Variants in EVPLL observed in about 807,000 individuals in gnomAD.
EVPLL encodes the protein envoplakin-like protein.
EVPLL carries 39 observed loss-of-function variants against 46.2 expected under a neutral mutation model. The observed-to-expected ratio is 0.84, with a 90% CI of 0.65 to 1.10. EVPLL has a LOEUF of 1.10. Among genes scored for constraint, EVPLL ranks in the 50% least tolerant of loss-of-function variants. The pLI is 0.00. For missense variants in EVPLL, 385 were observed against 412.6 expected (o/e 0.93, Z 0.58); for synonymous variants, 156 against 165.8 (o/e 0.94, Z 0.46).
At position 18,388,245 on chromosome 17, in the gene EVPLL, T is replaced by C. The variant is rs9890369; in HGVS notation, c.903T>C (p.His301=). The change falls in exon 10 of 11, where the codon CAT becomes CAC. Residue 301 remains histidine, a synonymous_variant. Coordinates refer to ENST00000399134, the MANE Select transcript of EVPLL (RefSeq NM_001145127.2). The part of the protein sequence containing the change: ...SRILCPSSSP[H] ...TTCTGTGTCCATCTTCCTCTCCTCATTGACTCTGCATGAAGGGGATTTCTG... is the reference window on the plus strand; with the variant it reads ...TTCTGTGTCCATCTTCCTCTCCTCACTGACTCTGCATGAAGGGGATTTCTG... 0.19 allele frequency: 273,780 copies of C among 1,410,052 alleles called. 29,927 individuals are homozygous for C. Among genetic ancestry groups the C allele is most frequent in the African/African-American group, 0.35 (23,733 of 67,902 alleles). 87.3% of individuals were successfully genotyped at this position (1,410,052 alleles called of 1,614,324 possible).
In EVPLL at chr17:18,381,202, T is replaced by G. The variant is rs1987557592; in HGVS notation, c.64-165T>G. On this transcript the variant is annotated intron_variant, in intron 2 of 10. Coordinates refer to ENST00000399134, the MANE Select transcript of EVPLL (RefSeq NM_001145127.2). The surrounding 1 kb of genome is among the most constrained non-coding windows in gnomAD (Gnocchi z 4.2). ...TTTGCTGGGCTCCCCTGTGTCTTTG[T>G]CACCTGCCTCATGGACGCCCTGGGC... is the stretch of plus-strand genomic sequence containing the variant. 1.6e-6 allele frequency: 2 copies of G among 1,284,948 alleles called. No homozygotes were observed. Among genetic ancestry groups the G allele is most frequent in the Non-Finnish European group, 2.1e-6 (2 of 949,612 alleles). 79.6% of individuals were successfully genotyped at this position (1,284,948 alleles called of 1,614,324 possible).
intron 1 of EVPLL, 68 bp downstream of exon 1, chr17:18,378,051 A>G: frequency 2.1e-6 from 1 of 484,622 alleles, no homozygotes; most frequent in South Asian, 3.4e-5. Flanking sequence ...CAGGTCCTTG[A>G]GCCACCTGGC....
rs765033159 is a variant in EVPLL, at chr17:18,383,523, A to G, written c.812A>G (p.Gln271Arg). 2 of 1,586,498 alleles carry G rather than the reference A, an allele frequency of 1.3e-6. No homozygotes were observed. Among genetic ancestry groups the G allele is most frequent in the East Asian group, 4.6e-5 (2 of 43,808 alleles). ...CAGGAGGCCCTGAAGATGGAGTGGC[A>G]GAACTTCCTGAACCTGTGCATCTGC... ...AHQEALKMEWQNFLNLCICQE... is the reference protein window; with the variant it reads ...AHQEALKMEWRNFLNLCICQE... The change falls in exon 9 of 11, where the codon CAG becomes CGG. Residue 271 changes from glutamine to arginine, a missense_variant. Physicochemically the swap from Gln to Arg is conservative, Grantham distance 43. Coordinates refer to ENST00000399134, the MANE Select transcript of EVPLL (RefSeq NM_001145127.2).
In EVPLL at chr17:18,383,159, C is replaced by G; in HGVS notation, c.646C>G (p.Pro216Ala). 1 of 1,551,840 alleles carries G rather than the reference C, an allele frequency of 6.4e-7. No homozygotes were observed. Residue 216 changes from proline to alanine, a missense_variant, in exon 7 of 11, where the codon CCT (proline) becomes GCT (alanine). Pro to Ala is a conservative substitution (Grantham distance 27). Coordinates refer to ENST00000399134, the MANE Select transcript of EVPLL (RefSeq NM_001145127.2). The part of the protein sequence containing the change: ...QQDWSDLMAD[P>A]AGVRREYEHF... ...GGACTGGAGCGACCTCATGGCCGACCCTGCGGGCGTGCGGCGGGAATACGA... is the reference window on the plus strand; with the variant it reads ...GGACTGGAGCGACCTCATGGCCGACGCTGCGGGCGTGCGGCGGGAATACGA...
intron 1 of EVPLL, among the ~76,000 whole-genome samples, chr17:18,378,747 G>A (rs550350073): frequency 1.3e-3 from 189 of 151,108 alleles, no homozygotes; most frequent in African/African-American, 4.4e-3. Context: ...ACACCACTGC[G>A]CTCCTGCCTG....
In EVPLL at chr17:18,383,327, G is replaced by A. The variant is rs1251176543; in HGVS notation, c.729G>A (p.Glu243=). 2 of 1,605,770 alleles carry A rather than the reference G, an allele frequency of 1.2e-6. No homozygotes were observed. Among genetic ancestry groups the A allele is most frequent in the Non-Finnish European group, 1.7e-6 (2 of 1,177,120 alleles). ...SQEQSVNQLE[E]DGKRMVELRH... is the part of the protein sequence containing the mutation. ...AGCAGAGCGTAAACCAGCTGGAGGA[G>A]GACGGCAAGCGCATGGTGGAGCTGC... Residue 243 remains glutamate, a synonymous_variant, in exon 8 of 11, where the codon GAG becomes GAA. Coordinates refer to ENST00000399134, the MANE Select transcript of EVPLL (RefSeq NM_001145127.2).
intron 9 of EVPLL, among the ~76,000 whole-genome samples, chr17:18,386,129 AAAGTC>A (rs1987756784): frequency 6.6e-6 from 1 of 152,112 alleles, no homozygotes; most frequent in South Asian, 2.1e-4. Context: ...GTCGGCAGGG[AAAGTC>A]CCTTTCCAGG....
At chr17:18,388,333 G>A (rs1987843748) in intron 10 of EVPLL, 45 bp downstream of exon 10, 5 of 857,188 alleles carry the variant, frequency 5.8e-6, no homozygotes, top group Non-Finnish European at 5.7e-6. Flanking sequence ...TCTTCTGGTT[G>A]TCTGGGGACA....
At position 18,388,689 on chromosome 17, in the gene EVPLL, G is replaced by A. The variant is rs1987854713; in HGVS notation, c.*41-168G>A. On this transcript the variant is annotated intron_variant, in intron 10 of 10. Transcript: ENST00000399134. ...CCCGAGAAGACTCTCAGTCACCTGTGGGTGCTGATGAGGGGAGGGAGAGGT... is the reference window on the plus strand; with the variant it reads ...CCCGAGAAGACTCTCAGTCACCTGTAGGTGCTGATGAGGGGAGGGAGAGGT... The A allele has an allele frequency of 1.3e-5, 2 of 158,270 alleles. 1 individual carries two copies. The highest frequency in any genetic ancestry group is 3.7e-4 in the South Asian group (2 of 5,444). The allele number at this position is 158,270 out of a possible 1,614,324, so 9.8% of individuals were successfully genotyped here.
chr17:18,381,078 C>T lies in EVPLL; in HGVS notation c.63+78C>T. 6.8e-7 allele frequency: 1 copy of T among 1,474,682 alleles called. No homozygotes were observed. The highest frequency in any genetic ancestry group is 9.3e-7 in the Non-Finnish European group (1 of 1,079,278). 91.3% of individuals were successfully genotyped at this position (1,474,682 alleles called of 1,614,324 possible). On this transcript the variant is annotated intron_variant, in intron 2 of 10. Transcript: ENST00000399134. The surrounding 1 kb of genome is among the most constrained non-coding windows in gnomAD (Gnocchi z 4.2). The stretch of plus-strand genomic sequence containing the variant: ...GGCCCATCATCAGGCCTGGCACTCC[C>T]TGAGTGCCCCCTGGTGATGGTGAAG...
chr17:18,382,959 A>T, intron 6 of EVPLL, 66 bp from the exon 7 acceptor site: 1 of 1,574,768 alleles, frequency 6.4e-7, no homozygotes, highest in Non-Finnish European at 8.6e-7. Context: ...GCGCCGCCCA[A>T]TGGCGCCTTT....
chr17:18,383,993 C>G (rs1221496973), intron 9 of EVPLL, among the ~76,000 whole-genome samples: 1 of 151,940 alleles, frequency 6.6e-6, no homozygotes, highest in Non-Finnish European at 1.5e-5. Flanking sequence ...TAAAATAGAG[C>G]TGTGTGGTTG....
chr17:18,383,819 C>G (rs1987683642), intron 9 of EVPLL: 2 of 506,856 alleles, frequency 3.9e-6, no homozygotes, highest in Non-Finnish European at 7.1e-6. Context: ...CTAAAAATAC[C>G]AAAATTAGCT....
At chr17:18,385,512 C>A (rs528876226) in intron 9 of EVPLL, among the ~76,000 whole-genome samples, 1 of 140,606 alleles carries the variant, frequency 7.1e-6, no homozygotes, top group African/African-American at 2.7e-5. Flanking sequence ...GGAGTTGAGC[C>A]GTCTTCATTT....
intron 1 of EVPLL, 63 bp downstream of exon 1, chr17:18,378,046 C>A: frequency 2.0e-6 from 1 of 490,778 alleles, no homozygotes; most frequent in South Asian, 3.3e-5. Context: ...AGGCCCAGGT[C>A]CTTGAGCCAC....
intron 9 of EVPLL, 106 bp downstream of exon 9, chr17:18,383,693 C>A: frequency 1.9e-6 from 2 of 1,068,944 alleles, no homozygotes; most frequent in South Asian, 1.5e-5. Context: ...ACAGAGCTGG[C>A]AAGTCGCGGT....
chr17:18,383,229 A>C (rs762081429), intron 7 of EVPLL, 42 bp from the exon 8 acceptor site: 7 of 1,550,544 alleles, frequency 4.5e-6, no homozygotes. Flanking sequence ...GACCAGGGCC[A>C]TCCTGGTCCT....
chr17:18,382,271 G>A (rs766153720), intron 4 of EVPLL: 1 of 444,318 alleles, frequency 2.3e-6, no homozygotes, highest in South Asian at 2.3e-5. Context: ...TTCTGAGGCT[G>A]AGCCCAGCGT....
At position 18,382,452 on chromosome 17, in the gene EVPLL, G is replaced by A; in HGVS notation, c.347-61G>A. On this transcript the variant is annotated intron_variant, in intron 4 of 10. Coordinates refer to ENST00000399134, the MANE Select transcript of EVPLL (RefSeq NM_001145127.2). ...GTCCACTTCTCCGGGTGGGAGACGT[G>A]TGGGGTTCTCTGGCTCTCCACCCTG... 4.5e-6 allele frequency: 7 copies of A among 1,545,122 alleles called. 1 individual carries two copies. The South Asian group carries it at 6.0e-5, about 13-fold the overall frequency.
Sources: allele counts gnomAD v4.1 joint callset (sites outside exome capture counted in the v4.1 genomes callset), GRCh38; gene constraint gnomAD v4.1.1; non-coding constraint Gnocchi (gnomAD v3.1); transcripts MANE v1.5; gene names NCBI Gene and HGNC (gene_info 2026-07-23, HGNC 2026-07-21).